ATP2B1: variants seen among roughly 807,000 people sequenced by gnomAD.
The protein encoded by ATP2B1 is plasma membrane calcium-transporting ATPase 1.
A neutral mutation model predicts 124.2 loss-of-function variants in ATP2B1; 14 were observed. The ratio of observed to expected loss-of-function variants is 0.11; its 90% confidence interval spans 0.07 to 0.18. The LOEUF is 0.18. ATP2B1 is among the 10% of genes least tolerant of loss of function. The pLI, the probability that ATP2B1 is intolerant of heterozygous loss-of-function variation, is 1.00. For synonymous variants in ATP2B1, 449 were observed against 492.4 expected (o/e 0.91, Z 1.17); for missense variants, 763 against 1,466.1 (o/e 0.52, Z 7.83).
chr12:89,685,759 T>C (rs932242359), intron 1 of ATP2B1, among the ~76,000 whole-genome samples: 63 of 152,250 alleles, frequency 4.1e-4, no homozygotes, highest in African/African-American at 1.4e-3. Context: ...TAAATTCCAA[T>C]GTGACCATAT....
chr12:89,678,786 G>A (rs1451222811), intron 1 of ATP2B1, among the ~76,000 whole-genome samples: 1 of 152,050 alleles, frequency 6.6e-6, no homozygotes, highest in Non-Finnish European at 1.5e-5. Context: ...ACTCTGGAGG[G>A]CCATTTGCAA....
At chr12:89,660,463 T>A (rs1424986718) in intron 1 of ATP2B1, among the ~76,000 whole-genome samples, 2 of 152,192 alleles carry the variant, frequency 1.3e-5, no homozygotes, top group Non-Finnish European at 2.9e-5. Flanking sequence ...TACTCAAAGC[T>A]AAAAAATGCA....
chr12:89,604,392 A>G, intron 15 of ATP2B1, 46 bp from the exon 16 acceptor site: 1 of 1,448,332 alleles, frequency 6.9e-7, no homozygotes, highest in Non-Finnish European at 9.4e-7. Context: ...TTTAAGTATA[A>G]CTTTCAAATA....
intron 20 of ATP2B1, among the ~76,000 whole-genome samples, chr12:89,598,065 C>CAAAAAAAAAAAAAAAAAAAA (rs1565797438): frequency 4.0e-5 from 2 of 49,722 alleles, no homozygotes; most frequent in African/African-American, 7.3e-5. Flanking sequence ...AAAAAAAAAT[C>CAAAAAAAAAAAAAAAAAAAA]AAAGCAAGGC....
intron 1 of ATP2B1, among the ~76,000 whole-genome samples, chr12:89,681,073 A>G (rs1889294431): frequency 6.6e-6 from 1 of 152,192 alleles, no homozygotes; most frequent in African/African-American, 2.4e-5. Flanking sequence ...CTAATCTGGG[A>G]AGCTTTAGCA....
chr12:89,633,961 A>G (rs2136186991), intron 5 of ATP2B1, among the ~76,000 whole-genome samples: 1 of 152,314 alleles, frequency 6.6e-6, no homozygotes, highest in East Asian at 1.9e-4. Flanking sequence ...AGTTAGAATA[A>G]TTAATATGAC....
intron 20 of ATP2B1, among the ~76,000 whole-genome samples, chr12:89,598,039 C>CAAAAACAAAA (rs1875010173): frequency 1.7e-5 from 1 of 60,526 alleles, no homozygotes; most frequent in African/African-American, 7.0e-5. Flanking sequence ...CACAACCAAG[C>CAAAAACAAAA]AAAAAAAAAA....
intron 5 of ATP2B1, among the ~76,000 whole-genome samples, chr12:89,633,822 A>G (rs555103136): frequency 2.6e-5 from 4 of 152,134 alleles, no homozygotes; most frequent in African/African-American, 9.7e-5. Context: ...GACTACATGT[A>G]GAAGGCTACA....
intron 1 of ATP2B1, among the ~76,000 whole-genome samples, chr12:89,705,004 T>C (rs1184918781): frequency 2.0e-5 from 3 of 152,136 alleles, no homozygotes; most frequent in Non-Finnish European, 4.4e-5. Context: ...TGTGTTAAGA[T>C]ATAAATGAAA....
At chr12:89,627,897 C>G (rs11105349) in intron 6 of ATP2B1, among the ~76,000 whole-genome samples, 181 bp from the exon 7 acceptor site, 3 of 152,154 alleles carry the variant, frequency 2.0e-5, no homozygotes, top group Non-Finnish European at 2.9e-5. Context: ...GTCTTACCTA[C>G]GGGAGAATAC....
At chr12:89,660,892 T>C (rs904500600) in intron 1 of ATP2B1, among the ~76,000 whole-genome samples, 1 of 152,220 alleles carries the variant, frequency 6.6e-6, no homozygotes. Context: ...AATCAGTATA[T>C]GATTTGATAT....
At chr12:89,656,878 G>C (rs73198545) in intron 1 of ATP2B1, among the ~76,000 whole-genome samples, 20,606 of 151,996 alleles carry the variant, frequency 0.14, 1,851 homozygotes, top group Non-Finnish European at 0.2. Flanking sequence ...TCCATCTACA[G>C]TATTAGTTCT....
intron 1 of ATP2B1, among the ~76,000 whole-genome samples, chr12:89,659,915 CAAAAAAAAAA>C (rs1234238576): frequency 2.4e-5 from 1 of 42,524 alleles, no homozygotes; most frequent in Admixed American, 2.4e-4. Context: ...AAGCGAGACT[CAAAAAAAAAA>C]AAAAACAAAA....
chr12:89,633,739 C>G (rs1249363229), intron 5 of ATP2B1, among the ~76,000 whole-genome samples: 1 of 152,040 alleles, frequency 6.6e-6, no homozygotes, highest in Non-Finnish European at 1.5e-5. Context: ...ACAGGTTTGA[C>G]TCTGGTTTCA....
intron 11 of ATP2B1, 66 bp from the exon 12 acceptor site, chr12:89,617,105 G>C (rs1029035839): frequency 8.3e-7 from 1 of 1,199,566 alleles, no homozygotes; most frequent in African/African-American, 1.5e-5. Context: ...CCATTTAAGT[G>C]AACTGGCAGG....
chr12:89,622,383 C>T (rs1000420751), intron 9 of ATP2B1, among the ~76,000 whole-genome samples: 2 of 151,978 alleles, frequency 1.3e-5, no homozygotes, highest in South Asian at 2.1e-4. Flanking sequence ...TGCTGGCAGA[C>T]TTGGCATTTT....
intron 1 of ATP2B1, among the ~76,000 whole-genome samples, chr12:89,663,343 C>T (rs757266806): frequency 3.3e-5 from 5 of 152,118 alleles, no homozygotes; most frequent in Admixed American, 6.5e-5. Context: ...TACACGCCTG[C>T]TACATGGCAA....
intron 12 of ATP2B1, 192 bp from the exon 13 acceptor site, chr12:89,611,564 C>A: frequency 2.2e-6 from 1 of 460,910 alleles, no homozygotes; most frequent in Non-Finnish European, 3.5e-6. Context: ...CTTTCCAATT[C>A]CACTGCCAGA....
intron 1 of ATP2B1, among the ~76,000 whole-genome samples, chr12:89,676,238 T>C (rs1239320293): frequency 6.6e-6 from 1 of 152,142 alleles, no homozygotes; most frequent in East Asian, 1.9e-4. Flanking sequence ...CAATAAATAG[T>C]TTCTGAATTT....
Sources: allele counts gnomAD v4.1 joint callset (sites outside exome capture counted in the v4.1 genomes callset), GRCh38; gene constraint gnomAD v4.1.1; transcripts MANE v1.5; gene names NCBI Gene and HGNC (gene_info 2026-07-23, HGNC 2026-07-21).